The following DLGAP2 variants were observed in gnomAD, a reference collection of about 807,000 sequenced individuals.
DLGAP2 encodes the protein disks large-associated protein 2.
A neutral mutation model predicts 100.3 loss-of-function variants in DLGAP2; 26 were observed. The observed-to-expected ratio is 0.26, with a 90% confidence interval of 0.19 to 0.36. The LOEUF (loss-of-function observed/expected upper bound fraction) is 0.36, where lower values mean the gene tolerates loss of function less well. DLGAP2 is among the 10% of genes least tolerant of loss of function. The pLI, the probability that DLGAP2 is intolerant of heterozygous loss-of-function variation, is 1.00. For missense variants in DLGAP2, 1,858 were observed against 1,453.2 expected (o/e 1.28, Z -4.53); for synonymous variants, 886 against 630.1 (o/e 1.41, Z -6.08).
chr8:1,644,136 C>CT (rs1319510970), intron 8 of DLGAP2, among the ~76,000 whole-genome samples: 5 of 149,390 alleles, frequency 3.3e-5, no homozygotes, highest in Admixed American at 6.7e-5. Flanking sequence ...TGTGTCACCC[C>CT]TCGGGGCTGA....
In DLGAP2 at chr8:961,040, T is replaced by C. The variant is rs11780702; in HGVS notation, c.73+53074T>C. On this transcript the variant is annotated intron_variant, in intron 2 of 14. Coordinates refer to ENST00000637795, the MANE Select transcript of DLGAP2 (RefSeq NM_001346810.2). ...AGAAGGGATTCTGCACAGACCCCCA[T>C]GTTGACACCAATTCAGTGGTGGCTC... Among the ~76,000 whole-genome samples the C allele has an allele frequency of 2.0e-5, 3 of 152,110 alleles. No individual in the cohort carries two copies. The East Asian group carries it at 5.8e-4, about 29-fold the overall frequency.
intron 2 of DLGAP2, among the ~76,000 whole-genome samples, chr8:1,039,991 C>T (rs528131410): frequency 1.4e-5 from 2 of 140,942 alleles, no homozygotes; most frequent in African/African-American, 5.3e-5. Context: ...TGTGCATGGT[C>T]TGCTCAGTTT....
chr8:1,115,165 G>A (rs1262714562), intron 2 of DLGAP2, among the ~76,000 whole-genome samples: 2 of 152,246 alleles, frequency 1.3e-5, no homozygotes, highest in African/African-American at 2.4e-5. Context: ...TGTGCATTCT[G>A]TTGTTTTGGG....
Position 1,448,376 on chromosome 8 carries a change from T to G in DLGAP2, c.107-52990T>G, listed in dbSNP as rs143119207. The stretch of plus-strand genomic sequence containing the variant: ...AGTCATTCAGGAGCAGGTGGTTCAG[T>G]TTCCATGTAGTTGAGTGGTTTTGAG... On this transcript the variant is annotated intron_variant, in intron 3 of 14. Transcript: ENST00000637795. Among the ~76,000 whole-genome samples, 1,126 of 152,324 alleles carry G rather than the reference T, an allele frequency of 7.4e-3. 15 individuals carry two copies. The highest frequency in any genetic ancestry group is 0.025 in the African/African-American group (1,040 of 41,562).
intron 4 of DLGAP2, among the ~76,000 whole-genome samples, chr8:1,542,755 C>T (rs138758432): frequency 9.0e-4 from 137 of 152,286 alleles, no homozygotes; most frequent in Non-Finnish European, 1.5e-3. Flanking sequence ...ATGTGCACCT[C>T]GGAGTAGACT....
intron 2 of DLGAP2, among the ~76,000 whole-genome samples, chr8:1,200,578 T>C (rs1276012651): frequency 1.3e-5 from 2 of 152,194 alleles, no homozygotes; most frequent in Non-Finnish European, 2.9e-5. Flanking sequence ...GCCTCCCGCC[T>C]GCACGTCCCA....
chr8:1,392,027 G>C, intron 3 of DLGAP2, among the ~76,000 whole-genome samples: 1 of 152,280 alleles, frequency 6.6e-6, no homozygotes, highest in East Asian at 1.9e-4. Flanking sequence ...TGTTTGAATC[G>C]CCTTATCTAT....
At chr8:1,483,087 C>T (rs940202780) in intron 3 of DLGAP2, among the ~76,000 whole-genome samples, 1 of 152,266 alleles carries the variant, frequency 6.6e-6, no homozygotes, top group South Asian at 2.1e-4. Context: ...GGGAGCCCCG[C>T]GGCAGCCTGG....
Position 1,587,351 on chromosome 8 carries a change from C to T in DLGAP2, c.1442+21457C>T, listed in dbSNP as rs191584194. On this transcript the variant is annotated intron_variant, in intron 6 of 14. Coordinates refer to ENST00000637795, the MANE Select transcript of DLGAP2 (RefSeq NM_001346810.2). The stretch of plus-strand genomic sequence containing the variant: ...GGTCTTGAAAAAGGAAAATGGTGAT[C>T]TGGGGTGAGGCCAGAGAGGAACTGG... Among the ~76,000 whole-genome samples the T allele has an allele frequency of 3.9e-5, 6 of 152,278 alleles. No individual in the cohort carries two copies. In the East Asian group the frequency reaches 9.6e-4, roughly 24 times the overall value.
chr8:1,595,689 AAAG>A (rs1407209894), intron 6 of DLGAP2, among the ~76,000 whole-genome samples: 2 of 78,850 alleles, frequency 2.5e-5, no homozygotes, highest in African/African-American at 6.9e-5. Context: ...AAAAAAAAAA[AAAG>A]AAATAGGTCA....
intron 2 of DLGAP2, among the ~76,000 whole-genome samples, chr8:1,175,865 C>G (rs1359074605): frequency 6.6e-6 from 1 of 152,192 alleles, no homozygotes; most frequent in African/African-American, 2.4e-5. Context: ...GATTAAAACC[C>G]TGTGCCCGTT....
chr8:1,310,855 G>A (rs558186901), intron 3 of DLGAP2, among the ~76,000 whole-genome samples: 2 of 152,146 alleles, frequency 1.3e-5, no homozygotes, highest in African/African-American at 4.8e-5. Context: ...TAGCCACAGT[G>A]ACATTAATAA....
intron 2 of DLGAP2, among the ~76,000 whole-genome samples, chr8:920,391 C>G (rs1410912518): frequency 6.6e-6 from 1 of 152,222 alleles, no homozygotes; most frequent in African/African-American, 2.4e-5. Context: ...ACTGTAGAAG[C>G]TTCCCTTTCT....
intron 4 of DLGAP2, among the ~76,000 whole-genome samples, chr8:1,530,189 T>G (rs1161663502): frequency 2.0e-5 from 3 of 152,174 alleles, no homozygotes; most frequent in African/African-American, 4.8e-5. Context: ...TGGGGTCTAT[T>G]TCACCCCTAC....
intron 2 of DLGAP2, among the ~76,000 whole-genome samples, chr8:1,023,857 A>ATGTG (rs149206104): frequency 0.023 from 3,005 of 128,878 alleles, 57 homozygotes; most frequent in South Asian, 0.075. Flanking sequence ...AACTTTATAT[A>ATGTG]TGTGTGTGTG....
intron 1 of DLGAP2, among the ~76,000 whole-genome samples, chr8:790,869 C>T (rs1822007047): frequency 6.6e-6 from 1 of 152,122 alleles, no homozygotes; most frequent in Non-Finnish European, 1.5e-5. Context: ...CCTCAGCCTC[C>T]TGAGTAGCTG....
intron 3 of DLGAP2, among the ~76,000 whole-genome samples, chr8:1,484,151 G>A (rs1799180127): frequency 6.6e-6 from 1 of 152,208 alleles, no homozygotes. Flanking sequence ...GCCAGGGCAG[G>A]CCCTCCAGGT....
intron 14 of DLGAP2, among the ~76,000 whole-genome samples, chr8:1,700,083 C>T (rs7013580): frequency 0.34 from 51,564 of 152,028 alleles, 9,137 homozygotes; most frequent in African/African-American, 0.43. Flanking sequence ...GGCCTAGTCA[C>T]GTAAAACAAG....
At chr8:1,591,530 C>T (rs1293706422) in intron 6 of DLGAP2, among the ~76,000 whole-genome samples, 1 of 128,054 alleles carries the variant, frequency 7.8e-6, no homozygotes, top group Non-Finnish European at 1.7e-5. Flanking sequence ...CCTGCCTAAC[C>T]CCCTCCTCCC....
Sources: gnomAD v4.1 joint callset for allele counts (sites outside exome capture counted in the v4.1 genomes callset) on GRCh38, gnomAD v4.1.1 for gene constraint, MANE v1.5 for transcripts, NCBI Gene and HGNC (gene_info 2026-07-23, HGNC 2026-07-21) for gene names.